The following DYSF variants were observed in gnomAD, a reference collection of about 807,000 sequenced individuals.
DYSF encodes dystrophy-associated fer-1-like 1.
DYSF carries 212 observed loss-of-function variants against 274.9 expected under a neutral mutation model. The observed-to-expected ratio is 0.77, with a 90% CI of 0.69 to 0.86. DYSF has a LOEUF of 0.86. DYSF is among the 40% of genes least tolerant of loss of function. The probability of loss-of-function intolerance (pLI) is 0.00; values close to 1 mark genes in which losing one functional copy is unlikely to be tolerated. For synonymous variants in DYSF, 1,091 were observed against 1,078.7 expected (o/e 1.01, Z -0.22); for missense variants, 2,666 against 2,783.2 (o/e 0.96, Z 0.95).
chr2:71,635,240 G>A (rs184220344), intron 41 of DYSF, among the ~76,000 whole-genome samples: 19 of 152,200 alleles, frequency 1.2e-4, no homozygotes, highest in East Asian at 9.6e-4. Context: ...CATTTCTTTC[G>A]CCTATGATGG....
intron 3 of DYSF, among the ~76,000 whole-genome samples, chr2:71,491,301 C>T (rs1472593203): frequency 1.3e-5 from 2 of 152,324 alleles, no homozygotes; most frequent in African/African-American, 4.8e-5. Context: ...TACTAACCCT[C>T]ACTCTGTTCT....
intron 3 of DYSF, among the ~76,000 whole-genome samples, chr2:71,484,417 G>T (rs951186222): frequency 1.2e-4 from 18 of 152,106 alleles, no homozygotes; most frequent in Non-Finnish European, 2.2e-4. Context: ...TATCTATGGG[G>T]TGCACGTGAT....
At chr2:71,540,684 T>C (rs2089853473) in intron 17 of DYSF, among the ~76,000 whole-genome samples, 1 of 150,858 alleles carries the variant, frequency 6.6e-6, no homozygotes, top group Non-Finnish European at 1.5e-5. Flanking sequence ...ATATATAACA[T>C]GTTTATATAA....
intron 51 of DYSF, among the ~76,000 whole-genome samples, chr2:71,671,190 G>A (rs558884370): frequency 1.3e-5 from 2 of 152,320 alleles, no homozygotes; most frequent in East Asian, 3.9e-4. Flanking sequence ...ATTCAACAGG[G>A]TTAAGTGGAT....
intron 26 of DYSF, 23 bp from the exon 27 acceptor site, chr2:71,569,797 C>G: frequency 2.5e-6 from 4 of 1,604,186 alleles, no homozygotes; most frequent in Non-Finnish European, 3.4e-6. Context: ...GCAGCAGAGA[C>G]TCTGACCAGC....
In DYSF at chr2:71,481,999, G is replaced by C. The variant is rs748087929; in HGVS notation, c.239+29G>C. 3.2e-6 allele frequency: 5 copies of C among 1,579,384 alleles called. No individual in the cohort carries two copies. In the East Asian group the frequency reaches 6.7e-5, roughly 21 times the overall value. On this transcript the variant is annotated intron_variant, in intron 3 of 55. Coordinates refer to ENST00000410020, the MANE Select transcript of DYSF (RefSeq NM_001130987.2). ...AGGTGGCCAGAGGGGGGTGCTCCAT[G>C]GCTTGAAGGTGCAGGTAGGATTGTG...
Position 71,574,226 on chromosome 2 carries a change from G to C in DYSF, c.3257G>C (p.Gly1086Ala), listed in dbSNP as rs753826832. The C allele has an allele frequency of 5.6e-6, 9 of 1,613,634 alleles. No homozygotes were observed. The highest frequency in any genetic ancestry group is 1.3e-5 in the African/African-American group (1 of 74,948). ...AGGCAGGCGGAGGCGGAGGGCGAGG[G>C]CTGGGAGTACGCCTCTCTTTTTGGC... ...RHRQAEAEGEGWEYASLFGWK... is the reference protein window; with the variant it reads ...RHRQAEAEGEAWEYASLFGWK... The change falls in exon 30 of 56, where the codon GGC (glycine) becomes GCC (alanine). Residue 1086 changes from glycine (G) to alanine (A), a missense_variant. Gly to Ala is a moderately conservative substitution (Grantham distance 60). Coordinates refer to ENST00000410020, the MANE Select transcript of DYSF (RefSeq NM_001130987.2).
chr2:71,576,127 G>C (rs2092690814), intron 30 of DYSF: 1 of 152,406 alleles, frequency 6.6e-6, no homozygotes, highest in Non-Finnish European at 1.5e-5. Context: ...CCCTGCACCT[G>C]GGTGAGGGAT....
At position 71,580,827 on chromosome 2, in the gene DYSF, C is replaced by T. The variant is rs75295203; in HGVS notation, c.3402+6456C>T. Among the ~76,000 whole-genome samples, 945 of 152,326 alleles carry T rather than the reference C, an allele frequency of 6.2e-3. 9 individuals carry two copies. The highest frequency in any genetic ancestry group is 0.021 in the African/African-American group (888 of 41,584). On this transcript the variant is annotated intron_variant, in intron 30 of 55. Coordinates refer to ENST00000410020, the MANE Select transcript of DYSF (RefSeq NM_001130987.2). Reference sequence around the variant, plus strand: ...AAATGCGTGGACCCTGCATCTGTCTCGCTCAAGATTTGAACCCCAAGGTCT... The same window carrying T: ...AAATGCGTGGACCCTGCATCTGTCTTGCTCAAGATTTGAACCCCAAGGTCT...
intron 41 of DYSF, among the ~76,000 whole-genome samples, chr2:71,634,476 C>T (rs1049285216): frequency 6.6e-6 from 1 of 152,136 alleles, no homozygotes; most frequent in African/African-American, 2.4e-5. Context: ...TAACTTATTC[C>T]TGGACTTCCC....
intron 55 of DYSF, among the ~76,000 whole-genome samples, chr2:71,685,848 G>T (rs971146950): frequency 2.0e-5 from 3 of 152,186 alleles, no homozygotes; most frequent in Non-Finnish European, 4.4e-5. Context: ...ATGGTTTTTG[G>T]GGGGAGAAGT....
rs1481438777 is a variant in DYSF at position 71,526,365 on chromosome 2, T to G, written c.1276+19T>G. The G allele has an allele frequency of 4.1e-6, 5 of 1,217,672 alleles. No individual in the cohort carries two copies. Among genetic ancestry groups the G allele is most frequent in the Non-Finnish European group, 3.1e-6 (3 of 957,190 alleles). The allele number at this position is 1,217,672 out of a possible 1,614,324, so 75.4% of individuals were successfully genotyped here. ...CCGCAGAGTGCGTGGGGCGCGCCCTTGGGTGGGAGGTCTGCAGGAGGCTGG... is the reference window on the plus strand; with the variant it reads ...CCGCAGAGTGCGTGGGGCGCGCCCTGGGGTGGGAGGTCTGCAGGAGGCTGG... On this transcript the variant is annotated intron_variant, in intron 13 of 55. Transcript: ENST00000410020.
intron 3 of DYSF, among the ~76,000 whole-genome samples, chr2:71,488,475 G>A (rs72827509): frequency 0.22 from 32,923 of 152,014 alleles, 4,289 homozygotes; most frequent in East Asian, 0.62. Context: ...AGGCCTAACC[G>A]GTCCCCAAGA....
At chr2:71,623,435 T>C (rs971601017) in intron 41 of DYSF, among the ~76,000 whole-genome samples, 2 of 151,662 alleles carry the variant, frequency 1.3e-5, no homozygotes, top group African/African-American at 4.8e-5. Flanking sequence ...GTTTGGTTTT[T>C]TGTTCTTGCG....
chr2:71,477,920 A>G (rs2082525728), intron 1 of DYSF, among the ~76,000 whole-genome samples: 2 of 152,166 alleles, frequency 1.3e-5, no homozygotes, highest in South Asian at 4.1e-4. Flanking sequence ...ATAGACATCA[A>G]TCAAAATGAG....
At chr2:71,545,486 T>C (rs1480570146) in intron 17 of DYSF, among the ~76,000 whole-genome samples, 1 of 152,152 alleles carries the variant, frequency 6.6e-6, no homozygotes, top group East Asian at 1.9e-4. Flanking sequence ...ATGTGGCCCC[T>C]TCACTAATTG....
intron 35 of DYSF, among the ~76,000 whole-genome samples, chr2:71,602,343 C>T (rs1053552540): frequency 6.6e-5 from 10 of 152,210 alleles, no homozygotes; most frequent in Non-Finnish European, 1.5e-4. Flanking sequence ...CCCTGCCCCT[C>T]CAGCTCTCCC....
At chr2:71,575,415 G>A (rs1476456491) in intron 30 of DYSF, among the ~76,000 whole-genome samples, 1 of 152,164 alleles carries the variant, frequency 6.6e-6, no homozygotes, top group Non-Finnish European at 1.5e-5. Context: ...CCTTGCCCTG[G>A]GGCCAGGTCA....
intron 48 of DYSF, among the ~76,000 whole-genome samples, 159 bp downstream of exon 48, chr2:71,667,674 C>A (rs1276155502): frequency 6.6e-6 from 1 of 152,162 alleles, no homozygotes; most frequent in African/African-American, 2.4e-5. Flanking sequence ...CATGGTTGGC[C>A]TGGGAGGGGA....
Sources: gnomAD v4.1 joint callset for allele counts (sites outside exome capture counted in the v4.1 genomes callset) on GRCh38, gnomAD v4.1.1 for gene constraint, MANE v1.5 for transcripts, NCBI Gene and HGNC (gene_info 2026-07-23, HGNC 2026-07-21) for gene names.